The following BLTP1 variants were observed in gnomAD, a reference collection of about 807,000 sequenced individuals.
BLTP1 encodes the protein bridge-like lipid transfer protein family member 1, also known as fragile site-associated protein.
the BLTP1 span, among the ~76,000 whole-genome samples, chr4:122,275,512 T>C: frequency 6.6e-6 from 1 of 152,178 alleles, no homozygotes; most frequent in East Asian, 1.9e-4. Flanking sequence ...GAAAGTAAAC[T>C]AAATTTCTTT....
chr4:122,281,016 G>C, the BLTP1 span, among the ~76,000 whole-genome samples: 1 of 152,142 alleles, frequency 6.6e-6, no homozygotes, highest in Non-Finnish European at 1.5e-5. Context: ...TCAAATCCTA[G>C]TTTCAGCACT....
the BLTP1 span, chr4:122,202,534 A>G: frequency 1.0e-6 from 1 of 969,236 alleles, no homozygotes; most frequent in Non-Finnish European, 1.2e-6. Context: ...AATCTGTTAC[A>G]TTACTTACCT....
the BLTP1 span, chr4:122,185,577 G>A: frequency 0.016 from 6,077 of 386,088 alleles, 387 homozygotes; most frequent in African/African-American, 0.12. Context: ...TTAGTGTTGT[G>A]TATGTTTATG....
At chr4:122,221,811 G>A in the BLTP1 span, 34 of 984,626 alleles carry the variant, frequency 3.5e-5, no homozygotes, top group Non-Finnish European at 3.9e-5. Flanking sequence ...AAAGGGAAAA[G>A]GGAAAGTCTT....
the BLTP1 span, among the ~76,000 whole-genome samples, chr4:122,153,673 G>A: frequency 3.3e-5 from 5 of 152,120 alleles, no homozygotes; most frequent in Non-Finnish European, 5.9e-5. Flanking sequence ...TTATGGCACT[G>A]TTCTTGCCGG....
the BLTP1 span, chr4:122,235,017 A>G: frequency 3.1e-6 from 5 of 1,599,136 alleles, no homozygotes; most frequent in South Asian, 2.2e-5. Context: ...TCCCAAAATT[A>G]TAGATGGTAA....
the BLTP1 span, among the ~76,000 whole-genome samples, chr4:122,241,047 C>A: frequency 0.97 from 147,546 of 152,266 alleles, 71,664 homozygotes; most frequent in East Asian, 1. Context: ...ATCAGTATAT[C>A]ATTACAAAGT....
the BLTP1 span, chr4:122,333,945 G>A: frequency 9.1e-7 from 1 of 1,102,804 alleles, no homozygotes. Context: ...GCCATATTCT[G>A]GACAGAAGAA....
chr4:122,251,047 G>A, the BLTP1 span: 1 of 985,342 alleles, frequency 1.0e-6, no homozygotes, highest in Non-Finnish European at 1.2e-6. Flanking sequence ...CATGGGTGGT[G>A]ATGAGTACAG....
At chr4:122,336,382 T>A in the BLTP1 span, 2 of 1,420,218 alleles carry the variant, frequency 1.4e-6, no homozygotes, top group Non-Finnish European at 1.9e-6. Flanking sequence ...TACCTCCCCA[T>A]AACATATATT....
At chr4:122,362,233 AAAG>A in the BLTP1 span, 22 of 1,612,294 alleles carry the variant, frequency 1.4e-5, no homozygotes, top group East Asian at 2.2e-5. Context: ...AGGCAAAGAC[AAAG>A]AAGAACACTA....
the BLTP1 span, chr4:122,208,985 T>TAAAA: frequency 1.7e-5 from 6 of 362,082 alleles, no homozygotes; most frequent in Non-Finnish European, 2.2e-5. Context: ...GTGAGACCAT[T>TAAAA]AAAAAAAAAA....
At chr4:122,195,817 G>C in the BLTP1 span, among the ~76,000 whole-genome samples, 1 of 152,142 alleles carries the variant, frequency 6.6e-6, no homozygotes, top group Non-Finnish European at 1.5e-5. Flanking sequence ...GAGACTTAGT[G>C]TACAGATTTT....
chr4:122,243,079 A>T, the BLTP1 span: 5 of 1,610,976 alleles, frequency 3.1e-6, no homozygotes, highest in Non-Finnish European at 4.2e-6. Context: ...GTAAGTAAAA[A>T]TATCATGCTT....
chr4:122,343,373 T>C, the BLTP1 span: 7 of 1,605,562 alleles, frequency 4.4e-6, no homozygotes, highest in Non-Finnish European at 6.0e-6. Flanking sequence ...CTTTTTTTCT[T>C]GTAGCTTATA....
At chr4:122,166,663 G>A in the BLTP1 span, among the ~76,000 whole-genome samples, 205 of 152,266 alleles carry the variant, frequency 1.3e-3, 3 homozygotes, top group African/African-American at 4.6e-3. Context: ...ATTACCTTGG[G>A]CAGTATGGCC....
chr4:122,335,060 A>G, the BLTP1 span, among the ~76,000 whole-genome samples: 2 of 151,896 alleles, frequency 1.3e-5, no homozygotes, highest in Non-Finnish European at 1.5e-5. Flanking sequence ...GCCCCAGTCA[A>G]GTATTCAGAT....
At chr4:122,152,834 T>C in the BLTP1 span, 1 of 369,742 alleles carries the variant, frequency 2.7e-6, no homozygotes, top group African/African-American at 2.2e-5. Flanking sequence ...ACAGGAGCAG[T>C]TCCTGCGGGT....
the BLTP1 span, among the ~76,000 whole-genome samples, chr4:122,265,698 G>GTTGTTTGT: frequency 4.6e-5 from 7 of 152,026 alleles, no homozygotes; most frequent in African/African-American, 1.7e-4. Context: ...TTTTTTTGTT[G>GTTGTTTGT]TTGTTTGTTT....
Sources: allele counts gnomAD v4.1 joint callset (sites outside exome capture counted in the v4.1 genomes callset), GRCh38; gene constraint gnomAD v4.1.1; transcripts MANE v1.5; gene names NCBI Gene and HGNC (gene_info 2026-07-23, HGNC 2026-07-21).